The following ANO10 variants were observed in gnomAD, a reference collection of about 807,000 sequenced individuals.
ANO10 encodes the protein anoctamin 10.
Under a neutral mutation model 74.7 loss-of-function variants are expected in ANO10, and 77 were observed. The ratio of observed to expected loss-of-function variants is 1.03; its 90% CI spans 0.86 to 1.25. ANO10 has a LOEUF of 1.25. ANO10 is among the 50% of genes most tolerant of loss of function. ANO10 has a pLI of 0.00. For synonymous variants in ANO10, 279 were observed against 284.9 expected (o/e 0.98, Z 0.21); for missense variants, 721 against 778.1 (o/e 0.93, Z 0.87).
At chr3:43,614,589 C>CAG (rs1180193789) in intron 1 of ANO10, among the ~76,000 whole-genome samples, 1 of 151,606 alleles carries the variant, frequency 6.6e-6, no homozygotes, top group East Asian at 1.9e-4. Flanking sequence ...GGAAAGAACC[C>CAG]AGTTTGGGGA....
chr3:43,527,062 C>CAG (rs1197817093), intron 11 of ANO10, among the ~76,000 whole-genome samples: 1 of 115,376 alleles, frequency 8.7e-6, no homozygotes, highest in Non-Finnish European at 2.0e-5. Flanking sequence ...CACACACACA[C>CAG]AGCATGCTTC....
upstream of ANO10, among the ~76,000 whole-genome samples, chr3:43,623,138 T>A (rs1388914498): frequency 1.3e-5 from 2 of 152,166 alleles, no homozygotes; most frequent in African/African-American, 4.8e-5. Context: ...AGTGCTGGGA[T>A]TACAGGCGTG....
At chr3:43,656,171 T>C (rs2083848495) in intron 1 of ANO10, among the ~76,000 whole-genome samples, 1 of 150,052 alleles carries the variant, frequency 6.7e-6, no homozygotes, top group Admixed American at 6.7e-5. Flanking sequence ...GTTCTTCACC[T>C]CCCCACCAGA....
intron 11 of ANO10, among the ~76,000 whole-genome samples, chr3:43,538,485 CAGA>C (rs2078813477): frequency 6.6e-6 from 1 of 152,044 alleles, no homozygotes; most frequent in Admixed American, 6.5e-5. Context: ...TGTGAAAATA[CAGA>C]AGGATACCTT....
At chr3:43,507,925 A>G (rs781455606) in intron 11 of ANO10, among the ~76,000 whole-genome samples, 14 of 152,292 alleles carry the variant, frequency 9.2e-5, no homozygotes, top group African/African-American at 1.7e-4. Flanking sequence ...CAAAAAGGAA[A>G]TGTTCTAGGT....
At chr3:43,636,877 C>A (rs141011001) in intron 1 of ANO10, among the ~76,000 whole-genome samples, 21 of 152,314 alleles carry the variant, frequency 1.4e-4, no homozygotes, top group African/African-American at 5.1e-4. Flanking sequence ...AAAAAGGCCC[C>A]ATTTAGCCTG....
rs929422193 is a variant in ANO10 at position 43,628,277 on chromosome 3, T to C, written c.-11-22414A>G. On this transcript the variant is annotated intron_variant, in intron 1 of 3. Transcript: ENST00000413397. Reference sequence around the variant, plus strand: ...TATTAGTTCCCCAAATTAATACTTTTATAATTTCTTATGCCTGTCTTTACT... The same window carrying C: ...TATTAGTTCCCCAAATTAATACTTTCATAATTTCTTATGCCTGTCTTTACT... Among the ~76,000 whole-genome samples, 3 of 152,188 alleles carry C rather than the reference T, an allele frequency of 2.0e-5. 1 individual carries two copies. Among genetic ancestry groups the C allele is most frequent in the Admixed American group, 2.0e-4 (3 of 15,276 alleles).
At chr3:43,473,473 C>T (rs1030734086) in intron 11 of ANO10, among the ~76,000 whole-genome samples, 3 of 152,160 alleles carry the variant, frequency 2.0e-5, no homozygotes, top group Non-Finnish European at 4.4e-5. Context: ...AGCATGACCA[C>T]CCCTGTGCTC....
At chr3:43,414,735 T>G (rs2092712236) in intron 12 of ANO10, among the ~76,000 whole-genome samples, 1 of 152,176 alleles carries the variant, frequency 6.6e-6, no homozygotes, top group Non-Finnish European at 1.5e-5. Flanking sequence ...TTCTGGAAGA[T>G]CTCTAAGAAT....
intron 1 of ANO10, among the ~76,000 whole-genome samples, chr3:43,644,599 G>A (rs2083707513): frequency 6.6e-6 from 1 of 152,194 alleles, no homozygotes; most frequent in Admixed American, 6.5e-5. Flanking sequence ...TCACTCAGTA[G>A]CCTTGCCCCT....
At chr3:43,553,537 C>CTTTTTT (rs1259828062) in intron 10 of ANO10, among the ~76,000 whole-genome samples, 1,809 of 102,350 alleles carry the variant, frequency 0.018, 34 homozygotes, top group African/African-American at 0.069. Flanking sequence ...GATAATTTCT[C>CTTTTTT]TCTTTTTTTT....
chr3:43,608,501 G>C (rs2149504000), intron 1 of ANO10, among the ~76,000 whole-genome samples: 1 of 152,264 alleles, frequency 6.6e-6, no homozygotes, highest in East Asian at 1.9e-4. Context: ...TTGGGCTCGA[G>C]TGATCCTTTA....
chr3:43,472,717 G>C (rs2075912260), intron 11 of ANO10: 1 of 152,158 alleles, frequency 6.6e-6, no homozygotes, highest in African/African-American at 2.4e-5. Flanking sequence ...AAGACAATTG[G>C]GGAAATGTAA....
chr3:43,596,418 T>C (rs994248892), intron 4 of ANO10, among the ~76,000 whole-genome samples: 1 of 151,926 alleles, frequency 6.6e-6, no homozygotes, highest in East Asian at 1.9e-4. Flanking sequence ...AACAGAAATA[T>C]AGACCAATGG....
rs550904230 is a variant in ANO10, at chr3:43,418,135, G to C, written c.1914+14476C>G. On this transcript the variant is annotated intron_variant, in intron 12 of 12. Coordinates refer to ENST00000292246, the MANE Select transcript of ANO10 (RefSeq NM_018075.5). ...CTACTAAAAATAAAAAAATTAGATG[G>C]GGGTGGTGGCAGGTGCCTGTAATCC... Among the ~76,000 whole-genome samples, 6 of 152,320 alleles carry C rather than the reference G, an allele frequency of 3.9e-5. No homozygotes were observed. In the South Asian group the frequency reaches 1.0e-3, roughly 26 times the overall value.
intron 11 of ANO10, among the ~76,000 whole-genome samples, chr3:43,437,946 A>C (rs2093096841): frequency 6.6e-6 from 1 of 152,228 alleles, no homozygotes; most frequent in African/African-American, 2.4e-5. Flanking sequence ...ACCCAAAAGA[A>C]ATGAAGATCT....
At chr3:43,427,018 A>G (rs577597949) in intron 12 of ANO10, among the ~76,000 whole-genome samples, 4 of 152,180 alleles carry the variant, frequency 2.6e-5, no homozygotes, top group African/African-American at 4.8e-5. Context: ...AACTGAATCC[A>G]CAGAGCATGT....
At chr3:43,570,370 C>T (rs866381338) in intron 7 of ANO10, among the ~76,000 whole-genome samples, 15 of 151,768 alleles carry the variant, frequency 9.9e-5, no homozygotes, top group East Asian at 7.8e-4. Context: ...GAGCCCGCAT[C>T]GCCAAGGCAA....
At chr3:43,500,832 A>C (rs2149145883) in intron 11 of ANO10, among the ~76,000 whole-genome samples, 1 of 152,338 alleles carries the variant, frequency 6.6e-6, no homozygotes, top group African/African-American at 2.4e-5. Flanking sequence ...AAGGTTTAGA[A>C]AGACTCCATA....
Sources: allele counts gnomAD v4.1 joint callset (sites outside exome capture counted in the v4.1 genomes callset), GRCh38; gene constraint gnomAD v4.1.1; transcripts MANE v1.5; gene names NCBI Gene and HGNC (gene_info 2026-07-23, HGNC 2026-07-21).